The following ERMP1 variants were observed in gnomAD, a reference collection of about 807,000 sequenced individuals.
The protein encoded by ERMP1 is endoplasmic reticulum metallopeptidase 1, also known as Felix-ina.
In ERMP1, 86 loss-of-function variants were observed where a neutral mutation model predicts 92.0. That is an observed-to-expected ratio of 0.93 (90% confidence interval 0.79 to 1.12). The LOEUF (loss-of-function observed/expected upper bound fraction) is 1.12, where lower values mean the gene tolerates loss of function less well. ERMP1 is among the 50% of genes most tolerant of loss of function. The probability of loss-of-function intolerance (pLI) is 0.00; values close to 1 mark genes in which losing one functional copy is unlikely to be tolerated. For synonymous variants in ERMP1, 530 were observed against 412.8 expected (o/e 1.28, Z -3.44); for missense variants, 1,342 against 1,116.3 (o/e 1.20, Z -2.88).
intron 11 of ERMP1, 36 bp downstream of exon 11, chr9:5,801,140 T>C (rs1037577923): frequency 1.9e-6 from 3 of 1,583,182 alleles, no homozygotes; most frequent in Non-Finnish European, 2.6e-6. Context: ...AGGGCTTCCT[T>C]TCCAGATCTC....
upstream of ERMP1, among the ~76,000 whole-genome samples, chr9:5,833,689 T>G (rs1002167052): frequency 6.6e-6 from 1 of 152,232 alleles, no homozygotes; most frequent in African/African-American, 2.4e-5. Context: ...TTAACAATAC[T>G]TAAAAGGAAA....
intron 8 of ERMP1, among the ~76,000 whole-genome samples, chr9:5,806,173 G>A (rs1828863277): frequency 1.3e-5 from 2 of 152,126 alleles, no homozygotes; most frequent in East Asian, 1.9e-4. Context: ...GACCTGTGAA[G>A]GAACGTTAGG....
At chr9:5,852,254 T>G (rs1041525468) in intron 6 of ERMP1, among the ~76,000 whole-genome samples, 4 of 131,282 alleles carry the variant, frequency 3.0e-5, no homozygotes, top group Non-Finnish European at 5.4e-5. Flanking sequence ...AGCAGAGTGT[T>G]TTTTTTTGTT....
chr9:5,848,424 T>A (rs1323934880), intron 6 of ERMP1, among the ~76,000 whole-genome samples: 17 of 152,204 alleles, frequency 1.1e-4, no homozygotes, highest in Admixed American at 1.1e-3. Flanking sequence ...CATTTCAGAC[T>A]TCCAAACTCC....
intron 3 of ERMP1, among the ~76,000 whole-genome samples, chr9:5,824,505 C>A (rs1470448036): frequency 1.3e-5 from 2 of 152,174 alleles, no homozygotes; most frequent in African/African-American, 4.8e-5. Context: ...CAGGTTCAAA[C>A]GATTCTCCTG....
In ERMP1 at chr9:5,784,960, T is replaced by C. The variant is rs901759185; in HGVS notation, c.*2184A>G. The C allele has an allele frequency of 2.6e-5, 4 of 152,200 alleles. No individual in the cohort carries two copies. Among genetic ancestry groups the C allele is most frequent in the Non-Finnish European group, 5.9e-5 (4 of 68,024 alleles). 9.4% of individuals were successfully genotyped at this position (152,200 alleles called of 1,614,324 possible). On this transcript the variant is annotated 3_prime_UTR_variant, in exon 15 of 15. Coordinates refer to ENST00000339450, the MANE Select transcript of ERMP1 (RefSeq NM_024896.3). ...AGAAATTATTTAAATGATCACTCTT[T>C]AAAAATTTTTTTTAATCTCAGAATC...
At chr9:5,807,908 AC>A (rs1276435766) in intron 8 of ERMP1, among the ~76,000 whole-genome samples, 1 of 151,986 alleles carries the variant, frequency 6.6e-6, no homozygotes, top group Non-Finnish European at 1.5e-5. Flanking sequence ...TATCATTCCC[AC>A]ACCTTCCCAA....
At chr9:5,856,252 C>T in intron 6 of ERMP1, 1 of 286,198 alleles carries the variant, frequency 3.5e-6, no homozygotes, top group Non-Finnish European at 7.0e-6. Flanking sequence ...TGTGTGATCA[C>T]ATGGTCTGGA....
chr9:5,825,613 T>A (rs565723365), intron 2 of ERMP1, among the ~76,000 whole-genome samples: 1 of 152,364 alleles, frequency 6.6e-6, no homozygotes, highest in East Asian at 1.9e-4. Context: ...TGCTCACAGC[T>A]TCCTGCATCA....
chr9:5,801,427 C>A (rs759836285), intron 10 of ERMP1, 99 bp from the exon 11 acceptor site: 191 of 1,172,184 alleles, frequency 1.6e-4, no homozygotes, highest in Admixed American at 4.6e-4. Context: ...TACCTAACAG[C>A]CCCTGAAGAA....
At chr9:5,797,082 C>T (rs1468158249) in intron 13 of ERMP1, among the ~76,000 whole-genome samples, 1 of 151,920 alleles carries the variant, frequency 6.6e-6, no homozygotes, top group Non-Finnish European at 1.5e-5. Flanking sequence ...GCTCTGTCAC[C>T]CAGGTTGGAA....
At chr9:5,844,120 T>A (rs1830204895) in intron 6 of ERMP1, among the ~76,000 whole-genome samples, 1 of 152,106 alleles carries the variant, frequency 6.6e-6, no homozygotes, top group African/African-American at 2.4e-5. Flanking sequence ...AAATCTTTCC[T>A]CTTAAAATTA....
At position 5,826,752 on chromosome 9, in the gene ERMP1, TTTTAA is replaced by T. The variant is rs775274959; in HGVS notation, c.641-1538_641-1534del. 6.6e-5 allele frequency among the ~76,000 whole-genome samples: 10 copies of T among 152,352 alleles called. No homozygotes were observed. In the Middle Eastern group the frequency reaches 0.02, roughly 311 times the overall value. On this transcript the variant is annotated intron_variant, in intron 2 of 14. Transcript: ENST00000339450. ...AAAAACCTAATGAAATAAACTCTCT[TTTTAA>T]TTTGACACTGTGAGTTACTTTAAAA...
intron 7 of ERMP1, 57 bp downstream of exon 7, chr9:5,811,054 C>T (rs1829071026): frequency 8.0e-7 from 1 of 1,251,742 alleles, no homozygotes; most frequent in African/African-American, 1.5e-5. Flanking sequence ...GACTGAAAAA[C>T]TTCAAGCACA....
rs1827916899 is a variant in ERMP1 at position 5,785,912 on chromosome 9, G to A, written c.*1232C>T. On this transcript the variant is annotated 3_prime_UTR_variant, in exon 15 of 15. Coordinates refer to ENST00000339450, the MANE Select transcript of ERMP1 (RefSeq NM_024896.3). ...CATTGATCTCACCAATGCCCTCACT[G>A]CTGGAACCAAAAAGCCATGAGAGGT... 6.6e-6 allele frequency: 1 copy of A among 152,146 alleles called. No individual in the cohort carries two copies. 9.4% of individuals were successfully genotyped at this position (152,146 alleles called of 1,614,324 possible).
chr9:5,860,514 A>G (rs886491616), intron 5 of ERMP1, among the ~76,000 whole-genome samples: 1 of 152,142 alleles, frequency 6.6e-6, no homozygotes, highest in Non-Finnish European at 1.5e-5. Context: ...TATGGGCTCA[A>G]TTGCTCATAA....
chr9:5,851,021 T>A (rs1023720452), intron 6 of ERMP1, among the ~76,000 whole-genome samples: 35 of 152,216 alleles, frequency 2.3e-4, no homozygotes, highest in Admixed American at 2.3e-3. Context: ...CTCCCTTGAC[T>A]TATTCCCAAA....
chr9:5,832,581 G>A, intron 1 of ERMP1, 109 bp downstream of exon 1: 1 of 872,104 alleles, frequency 1.1e-6, no homozygotes, highest in South Asian at 2.3e-5. Context: ...AGGGGTCAGC[G>A]AGTCCCAGCG....
At chr9:5,811,072 G>A (rs376034885) in intron 7 of ERMP1, 39 bp downstream of exon 7, 1 of 1,387,392 alleles carries the variant, frequency 7.2e-7, no homozygotes, top group Non-Finnish European at 1.0e-6. Context: ...ACATTCTACA[G>A]CAATGCCAGT....
Sources: allele counts gnomAD v4.1 joint callset (sites outside exome capture counted in the v4.1 genomes callset), GRCh38; gene constraint gnomAD v4.1.1; transcripts MANE v1.5; gene names NCBI Gene and HGNC (gene_info 2026-07-23, HGNC 2026-07-21).